Variants in MYOM3 observed in about 807,000 individuals in gnomAD.
The protein encoded by MYOM3 is myomesin-3.
Under a neutral mutation model 191.7 loss-of-function variants are expected in MYOM3, and 155 were observed. The ratio of observed to expected loss-of-function variants is 0.81; its 90% CI spans 0.71 to 0.92. MYOM3 has a LOEUF of 0.92. Among genes scored for constraint, MYOM3 ranks in the 40% least tolerant of loss-of-function variants. MYOM3 has a pLI of 0.00. For synonymous variants in MYOM3, 757 were observed against 762.9 expected, an observed-to-expected ratio of 0.99 and a Z score of 0.13; for missense variants, 1,889 against 1,890.6, an observed-to-expected ratio of 1.00 and a Z score of 0.02.
At chr1:24,091,155 G>A (rs983458037) in intron 11 of MYOM3, among the ~76,000 whole-genome samples, 159 bp from the exon 12 acceptor site, 34 of 152,246 alleles carry the variant, frequency 2.2e-4, no homozygotes, top group South Asian at 1.0e-3. Context: ...CTCCAACCTC[G>A]GGCCCCCGGG....
Position 24,108,576 on chromosome 1 carries a change from C to A in MYOM3, c.61G>T (p.Val21Phe). 2 of 1,574,514 alleles carry A rather than the reference C, an allele frequency of 1.3e-6. No individual in the cohort carries two copies. The highest frequency in any genetic ancestry group is 1.7e-6 in the Non-Finnish European group (2 of 1,161,180). Residue 21 changes from valine to phenylalanine, a missense_variant, in exon 2 of 37, where the codon GTT (valine) becomes TTT (phenylalanine). Physicochemically the swap from Val to Phe is conservative, Grantham distance 50. Coordinates refer to ENST00000374434, the MANE Select transcript of MYOM3 (RefSeq NM_152372.4). ...GDPRPPQAME[V>F]HRLEHRQEEE... Reference sequence around the variant, plus strand: ...TCCTGCCGGTGCTCCAGCCTGTGAACCTCCATGGCCTGGGGGGGCCGGGGG... The same window carrying A: ...TCCTGCCGGTGCTCCAGCCTGTGAAACTCCATGGCCTGGGGGGGCCGGGGG...
At chr1:24,089,303 T>C (rs371325903) in intron 14 of MYOM3, among the ~76,000 whole-genome samples, 4 of 152,204 alleles carry the variant, frequency 2.6e-5, no homozygotes, top group African/African-American at 9.6e-5. Flanking sequence ...GTATTTTGTG[T>C]ATTTCCACGA....
rs1557600554 is a variant in MYOM3, at chr1:24,063,141, G to T, written c.3755C>A (p.Thr1252Asn). 4.3e-6 allele frequency: 7 copies of T among 1,610,278 alleles called. No homozygotes were observed. The highest frequency in any genetic ancestry group is 5.9e-6 in the Non-Finnish European group (7 of 1,176,746). The part of the protein sequence containing the change: ...VKYYNVEYMK[T>N]TWFHKDKRLE... ...GCGGACTTACTTGTGGAACCAGGTG[G>T]TTTTCATGTACTCCACGTTGTAGTA... The change falls in exon 32 of 37, where the codon ACC becomes AAC. Residue 1252 changes from threonine to asparagine, a missense_variant. Coordinates refer to ENST00000374434, the MANE Select transcript of MYOM3 (RefSeq NM_152372.4). The surrounding 1 kb of genome is among the most constrained non-coding windows in gnomAD (Gnocchi z 4.5).
Position 24,089,658 on chromosome 1 carries a change from C to T in MYOM3, c.1494G>A (p.Val498=), listed in dbSNP as rs1471666402. ...TISTDAFEDT[V]TIPSPPTNVH... The stretch of plus-strand genomic sequence containing the variant: ...CATTGGTTGGCGGTGAGGGGATGGT[C>T]ACAGTATCTGAAATCAGAGTCACCC... The change falls in exon 14 of 37, where the codon GTG becomes GTA. Residue 498 remains valine, a synonymous_variant. Transcript: ENST00000374434. 1 of 1,582,510 alleles carries T rather than the reference C, an allele frequency of 6.3e-7. No individual in the cohort carries two copies. Among genetic ancestry groups the T allele is most frequent in the South Asian group, 1.2e-5 (1 of 86,104 alleles).
intron 25 of MYOM3, among the ~76,000 whole-genome samples, chr1:24,068,620 G>A (rs1285133305): frequency 6.6e-6 from 1 of 152,110 alleles, no homozygotes; most frequent in Non-Finnish European, 1.5e-5. Flanking sequence ...GTGCAGTGGA[G>A]CGATCAGTTA....
chr1:24,097,950 A>G lies in MYOM3; in HGVS notation c.718T>C (p.Ser240Pro). The change falls in exon 7 of 37, where the codon TCC becomes CCC. Residue 240 changes from serine to proline, a missense_variant. By Grantham distance (74) the Ser-to-Pro change is moderately conservative (BLOSUM62 -1). Transcript: ENST00000374434. The part of the protein sequence containing the change: ...VRVKNAHGQA[S>P]SFAKVLVRTY... ...CGGACGAGGACTTTGGCGAAGGAGG[A>G]GGCCTGGCCGTGGGCGTTCTTCACT... The G allele has an allele frequency of 6.2e-7, 1 of 1,613,864 alleles. No individual in the cohort carries two copies. Among genetic ancestry groups the G allele is most frequent in the Non-Finnish European group, 8.5e-7 (1 of 1,179,752 alleles).
chr1:24,089,814 G>T, intron 13 of MYOM3, 149 bp from the exon 14 acceptor site: 1 of 1,028,486 alleles, frequency 9.7e-7, no homozygotes, highest in Non-Finnish European at 1.4e-6. Context: ...GCAATGCTGG[G>T]CAGAGCCGGG....
At chr1:24,094,640 C>G (rs1643868857) in intron 9 of MYOM3, among the ~76,000 whole-genome samples, 1 of 152,182 alleles carries the variant, frequency 6.6e-6, no homozygotes, top group African/African-American at 2.4e-5. Context: ...AACCCAGGGC[C>G]TGGCACCCCA....
rs537410060 is a variant in MYOM3 at position 24,067,446 on chromosome 1, T to C, written c.3356-358A>G. 1.6e-4 allele frequency among the ~76,000 whole-genome samples: 21 copies of C among 128,472 alleles called. 1 individual carries two copies. Among genetic ancestry groups the C allele is most frequent in the African/African-American group, 4.9e-4 (16 of 32,866 alleles). The allele number at this position is 128,472 out of a possible 152,430, so 84.3% of individuals were successfully genotyped here. A position where few individuals can be genotyped will look rare whatever the true frequency, so the allele number is the denominator to read the frequency against. ...TCCTTCCTTCCTTCCTTCCTTCCTTTGTTTCCTTCCTTCTTTCTTTCTTTC... is the reference window on the plus strand; with the variant it reads ...TCCTTCCTTCCTTCCTTCCTTCCTTCGTTTCCTTCCTTCTTTCTTTCTTTC... On this transcript the variant is annotated intron_variant, in intron 27 of 36. Transcript: ENST00000374434.
At chr1:24,082,430 T>G (rs1643683095) in intron 17 of MYOM3, 163 bp downstream of exon 17, 3 of 1,091,144 alleles carry the variant, frequency 2.7e-6, no homozygotes, top group South Asian at 3.7e-5. Context: ...CCATGGTTAC[T>G]TCCTTCCCAA....
intron 11 of MYOM3, among the ~76,000 whole-genome samples, chr1:24,091,199 G>A (rs537185676): frequency 6.6e-6 from 1 of 152,340 alleles, no homozygotes; most frequent in South Asian, 2.1e-4. Context: ...CTGACCAGCA[G>A]CAGTGCCTTT....
intron 20 of MYOM3, among the ~76,000 whole-genome samples, chr1:24,076,503 G>A (rs1399372212): frequency 1.5e-5 from 1 of 65,392 alleles, no homozygotes; most frequent in African/African-American, 4.9e-5. Flanking sequence ...TTTCCCTAAT[G>A]TTTCTTTTTT....
intron 14 of MYOM3, 38 bp downstream of exon 14, chr1:24,089,500 T>G (rs1217698741): frequency 6.4e-7 from 1 of 1,564,928 alleles, no homozygotes; most frequent in East Asian, 2.3e-5. Flanking sequence ...CATCTGTTTC[T>G]CAGGCTGGCC....
Position 24,057,493 on chromosome 1 carries a change from C to G in MYOM3, c.4185G>C (p.Glu1395Asp). Residue 1395 changes from glutamate (E) to aspartate (D), a missense_variant, in exon 37 of 37, where the codon GAG (glutamate) becomes GAC (aspartate). Glu to Asp is a conservative substitution (Grantham distance 45, BLOSUM62 2). Coordinates refer to ENST00000374434, the MANE Select transcript of MYOM3 (RefSeq NM_152372.4). ...VRGTEVTITI[E>D]KVNSEDSGRY... The stretch of plus-strand genomic sequence containing the variant: ...GGCCGCTGTCTTCACTGTTGACCTT[C>G]TCAATGGTGATGGTGACCTCTGTCC... 1 of 1,614,256 alleles carries G rather than the reference C, an allele frequency of 6.2e-7. No homozygotes were observed. Among genetic ancestry groups the G allele is most frequent in the Non-Finnish European group, 8.5e-7 (1 of 1,180,056 alleles).
In MYOM3 at chr1:24,071,154, T is replaced by G. The variant is rs1471557270; in HGVS notation, c.3113A>C (p.His1038Pro). Residue 1038 changes from histidine to proline, a missense_variant, in exon 25 of 37, where the codon CAT (histidine) becomes CCT (proline). Coordinates refer to ENST00000374434, the MANE Select transcript of MYOM3 (RefSeq NM_152372.4). ...VEKLSPAAEL[H>P]LIFNNKEIFS... is the part of the protein sequence containing the mutation. ...GATCTCCTTGTTGTTGAAGATTAGA[T>G]GTAGCTCAGCGGCTGGAGATAACTT... 1 of 1,614,160 alleles carries G rather than the reference T, an allele frequency of 6.2e-7. No homozygotes were observed.
Position 24,068,270 on chromosome 1 carries a change from T to C in MYOM3, c.3248A>G (p.Gln1083Arg), listed in dbSNP as rs1417311301. The part of the protein sequence containing the change: ...EDKGSYTAQL[Q>R]DGKAKNQITL... Reference sequence around the variant, plus strand: ...AATCTGGTTTTTGGCTTTTCCATCTTGGAGTTGAGCGGTGTACGACCCTTT... The same window carrying C: ...AATCTGGTTTTTGGCTTTTCCATCTCGGAGTTGAGCGGTGTACGACCCTTT... The change falls in exon 26 of 37, where the codon CAA (glutamine) becomes CGA (arginine). Residue 1083 changes from glutamine to arginine, a missense_variant. Gln to Arg is a conservative substitution (Grantham distance 43). Coordinates refer to ENST00000374434, the MANE Select transcript of MYOM3 (RefSeq NM_152372.4). 1.2e-6 allele frequency: 2 copies of C among 1,614,116 alleles called. No homozygotes were observed. The highest frequency in any genetic ancestry group is 8.5e-7 in the Non-Finnish European group (1 of 1,180,036).
chr1:24,057,316 C>T lies in MYOM3; in HGVS notation c.*48G>A. Reference sequence around the variant, plus strand: ...GCTGTGACCCTGGTACAGGTTGTCCCTACTGGTCCATGTAGACTAGACTCA... The same window carrying T: ...GCTGTGACCCTGGTACAGGTTGTCCTTACTGGTCCATGTAGACTAGACTCA... On this transcript the variant is annotated 3_prime_UTR_variant, in exon 37 of 37. Coordinates refer to ENST00000374434, the MANE Select transcript of MYOM3 (RefSeq NM_152372.4). 1 of 1,579,180 alleles carries T rather than the reference C, an allele frequency of 6.3e-7. No homozygotes were observed. The highest frequency in any genetic ancestry group is 8.6e-7 in the Non-Finnish European group (1 of 1,158,832).
chr1:24,078,038 C>T (rs1490222875), intron 20 of MYOM3, among the ~76,000 whole-genome samples: 3 of 152,092 alleles, frequency 2.0e-5, no homozygotes, highest in Non-Finnish European at 4.4e-5. Flanking sequence ...TAAAGCACAA[C>T]ACGAAATGAA....
chr1:24,092,397 T>C, intron 10 of MYOM3, 82 bp from the exon 11 acceptor site: 2 of 1,232,598 alleles, frequency 1.6e-6, no homozygotes, highest in Admixed American at 3.2e-5. Flanking sequence ...CCCAGCATCC[T>C]CTTCTCATCC....
Sources: gnomAD v4.1 joint callset for allele counts (sites outside exome capture counted in the v4.1 genomes callset) on GRCh38, gnomAD v4.1.1 for gene constraint, Gnocchi (gnomAD v3.1) non-coding constraint, MANE v1.5 for transcripts, NCBI Gene and HGNC (gene_info 2026-07-23, HGNC 2026-07-21) for gene names.